Variants in CCDC88C observed in about 807,000 individuals in gnomAD.
CCDC88C encodes protein Daple.
In CCDC88C, 131 loss-of-function variants were observed where a neutral mutation model predicts 198.8. The ratio of observed to expected loss-of-function variants is 0.66; its 90% CI spans 0.57 to 0.76. The LOEUF (loss-of-function observed/expected upper bound fraction) is 0.76, where lower values mean the gene tolerates loss of function less well. Among genes scored for constraint, CCDC88C ranks in the 30% least tolerant of loss-of-function variants. The pLI, the probability that CCDC88C is intolerant of heterozygous loss-of-function variation, is 0.00. For missense variants in CCDC88C, 2,553 were observed against 2,631.6 expected (o/e 0.97, Z 0.65); for synonymous variants, 1,166 against 1,114.7 (o/e 1.05, Z -0.92).
At chr14:91,350,312 C>G (rs555272979) in intron 4 of CCDC88C, among the ~76,000 whole-genome samples, 3 of 152,070 alleles carry the variant, frequency 2.0e-5, no homozygotes, top group Non-Finnish European at 1.5e-5. Context: ...AGGCACCCAC[C>G]ACCACGCCTG....
chr14:91,314,563 T>C (rs1892012410), intron 14 of CCDC88C, among the ~76,000 whole-genome samples: 1 of 152,202 alleles, frequency 6.6e-6, no homozygotes, highest in Non-Finnish European at 1.5e-5. Context: ...AGTACTTTCC[T>C]CTGGCTATCA....
intron 3 of CCDC88C, among the ~76,000 whole-genome samples, chr14:91,372,528 C>CGGGGGGGGGGGGGGGGGGGGGGGG (rs199749681): frequency 4.1e-5 from 1 of 24,532 alleles, no homozygotes; most frequent in Non-Finnish European, 7.6e-5. Context: ...GGCAGTGGTG[C>CGGGGGGGGGGGGGGGGGGGGGGGG]GGGGGGGGGC....
chr14:91,348,899 T>TC (rs1006075895), intron 4 of CCDC88C, among the ~76,000 whole-genome samples: 71 of 152,174 alleles, frequency 4.7e-4, no homozygotes, highest in African/African-American at 1.4e-3. Flanking sequence ...CATCCTGTGA[T>TC]CCCCACCCCT....
intron 13 of CCDC88C, among the ~76,000 whole-genome samples, chr14:91,317,540 C>G (rs1892152878): frequency 6.6e-6 from 1 of 152,220 alleles, no homozygotes; most frequent in Admixed American, 6.5e-5. Flanking sequence ...GGGCTGGGCA[C>G]TGGGGCCAAT....
intron 29 of CCDC88C, among the ~76,000 whole-genome samples, chr14:91,277,433 C>T (rs1890011443): frequency 6.6e-6 from 1 of 152,216 alleles, no homozygotes; most frequent in Non-Finnish European, 1.5e-5. Flanking sequence ...GGATGTCAGC[C>T]ATGTCCATCT....
chr14:91,351,877 G>A (rs1348260063), intron 4 of CCDC88C, among the ~76,000 whole-genome samples: 1 of 152,010 alleles, frequency 6.6e-6, no homozygotes, highest in Non-Finnish European at 1.5e-5. Flanking sequence ...TGAAATATCA[G>A]CCCCTCGGAG....
intron 2 of CCDC88C, among the ~76,000 whole-genome samples, chr14:91,415,531 C>T (rs1006228191): frequency 2.0e-5 from 3 of 152,078 alleles, no homozygotes; most frequent in African/African-American, 7.2e-5. Context: ...TCGAGACCAG[C>T]CTAACATGGA....
chr14:91,346,244 C>T (rs1407392704), intron 4 of CCDC88C, among the ~76,000 whole-genome samples: 1 of 152,194 alleles, frequency 6.6e-6, no homozygotes, highest in Non-Finnish European at 1.5e-5. Context: ...AGCCTCAGAA[C>T]TGGGAACTGG....
intron 3 of CCDC88C, among the ~76,000 whole-genome samples, chr14:91,406,015 G>T (rs1282776215): frequency 6.6e-6 from 1 of 152,196 alleles, no homozygotes; most frequent in Non-Finnish European, 1.5e-5. Context: ...AGGAGGGAGA[G>T]CAGGGATGCA....
chr14:91,324,209 G>C lies in CCDC88C; in HGVS notation c.1342+570C>G, dbSNP rs1197802195. Among the ~76,000 whole-genome samples, 5 of 152,362 alleles carry C rather than the reference G, an allele frequency of 3.3e-5. No homozygotes were observed. The South Asian group carries it at 1.0e-3, about 32-fold the overall frequency. ...TTCCCATGACCGACACCTCCTCTCG[G>C]GGCGCGGGGCAGTGGGCAGCAGAGC... On this transcript the variant is annotated intron_variant, in intron 12 of 29. Coordinates refer to ENST00000389857, the MANE Select transcript of CCDC88C (RefSeq NM_001080414.4).
At chr14:91,374,780 C>G (rs1884283487) in intron 3 of CCDC88C, among the ~76,000 whole-genome samples, 1 of 152,240 alleles carries the variant, frequency 6.6e-6, no homozygotes, top group Non-Finnish European at 1.5e-5. Flanking sequence ...ACAAGTAACT[C>G]ACTGTGATCC....
In CCDC88C at chr14:91,271,427, CAA is replaced by C. The variant is rs1451581813; in HGVS notation, c.*1196_*1197del. The C allele has an allele frequency of 6.6e-6, 1 of 151,000 alleles. No individual in the cohort carries two copies. The highest frequency in any genetic ancestry group is 2.4e-5 in the African/African-American group (1 of 40,978). 9.4% of individuals were successfully genotyped at this position (151,000 alleles called of 1,614,324 possible). A position where few individuals can be genotyped will look rare whatever the true frequency, so the allele number is the denominator to read the frequency against. On this transcript the variant is annotated 3_prime_UTR_variant, in exon 30 of 30. Coordinates refer to ENST00000389857, the MANE Select transcript of CCDC88C (RefSeq NM_001080414.4). The stretch of plus-strand genomic sequence containing the variant: ...TCCTAAAATGGATCTTGTTAACATT[CAA>C]AAGTCTCCCATTTCTTTCTCAGTAT...
intron 13 of CCDC88C, among the ~76,000 whole-genome samples, chr14:91,320,422 C>T (rs144038809): frequency 2.4e-4 from 37 of 152,352 alleles, no homozygotes; most frequent in African/African-American, 8.4e-4. Context: ...GACAGGGTAG[C>T]GTGGCACCAC....
intron 10 of CCDC88C, among the ~76,000 whole-genome samples, chr14:91,331,309 A>G (rs1471051011): frequency 6.6e-6 from 1 of 152,230 alleles, no homozygotes; most frequent in Non-Finnish European, 1.5e-5. Context: ...ACTCAAATCA[A>G]CAAACATGTC....
chr14:91,325,030 T>A lies in CCDC88C; in HGVS notation c.1198-107A>T. On this transcript the variant is annotated intron_variant, in intron 11 of 29. Transcript: ENST00000389857. This position sits in a 1 kb window ranked among gnomAD's most constrained non-coding sequence, Gnocchi z 4.1. ...CCGTCATGTGCTGTGGATGAAGATG[T>A]ACTGGCTCACTTCCAAATAAACAGA... 2 of 1,374,848 alleles carry A rather than the reference T, an allele frequency of 1.5e-6. No individual in the cohort carries two copies. Among genetic ancestry groups the A allele is most frequent in the Non-Finnish European group, 2.0e-6 (2 of 990,706 alleles). 85.2% of individuals were successfully genotyped at this position (1,374,848 alleles called of 1,614,324 possible).
rs1890341988 is a variant in CCDC88C at position 91,284,968 on chromosome 14, G to C, written c.4442-1451C>G. On this transcript the variant is annotated intron_variant, in intron 25 of 29. Coordinates refer to ENST00000389857, the MANE Select transcript of CCDC88C (RefSeq NM_001080414.4). The surrounding 1 kb of genome is among the most constrained non-coding windows in gnomAD (Gnocchi z 4.1). ...AGCTGGCCGGCTGGCATTTTCCCTTGCTCGAGGCATGATTTGTGTGCTGAT... is the reference window on the plus strand; with the variant it reads ...AGCTGGCCGGCTGGCATTTTCCCTTCCTCGAGGCATGATTTGTGTGCTGAT... Among the ~76,000 whole-genome samples, 2 of 152,144 alleles carry C rather than the reference G, an allele frequency of 1.3e-5. No homozygotes were observed. The highest frequency in any genetic ancestry group is 6.5e-5 in the Admixed American group (1 of 15,284).
chr14:91,280,701 G>A (rs902752284), intron 27 of CCDC88C, among the ~76,000 whole-genome samples: 11 of 152,272 alleles, frequency 7.2e-5, no homozygotes, highest in Admixed American at 2.0e-4. Context: ...CCCAGCACAC[G>A]AGGCAGATTT....
chr14:91,395,017 C>A (rs1198778107), intron 3 of CCDC88C, among the ~76,000 whole-genome samples: 2 of 152,148 alleles, frequency 1.3e-5, no homozygotes, highest in African/African-American at 4.8e-5. Context: ...TTGTAGAACC[C>A]CTCCTACAAC....
rs1893163183 is a variant in CCDC88C, at chr14:91,338,604, G to A, written c.810-34C>T. On this transcript the variant is annotated intron_variant, in intron 8 of 29. Coordinates refer to ENST00000389857, the MANE Select transcript of CCDC88C (RefSeq NM_001080414.4). This position sits in a 1 kb window ranked among gnomAD's most constrained non-coding sequence, Gnocchi z 4.8. Reference sequence around the variant, plus strand: ...GCAGTAAGGAGAAAGAGTGTGGGAGGCAGCTTCCTCAACAAGCAGCCCTGG... The same window carrying A: ...GCAGTAAGGAGAAAGAGTGTGGGAGACAGCTTCCTCAACAAGCAGCCCTGG... The A allele has an allele frequency of 6.7e-7, 1 of 1,496,196 alleles. No homozygotes were observed. Among genetic ancestry groups the A allele is most frequent in the Non-Finnish European group, 9.1e-7 (1 of 1,096,826 alleles). The allele number at this position is 1,496,196 out of a possible 1,614,324, so 92.7% of individuals were successfully genotyped here. A position where few individuals can be genotyped will look rare whatever the true frequency, so the allele number is the denominator to read the frequency against.
Sources: gnomAD v4.1 joint callset for allele counts (sites outside exome capture counted in the v4.1 genomes callset) on GRCh38, gnomAD v4.1.1 for gene constraint, Gnocchi (gnomAD v3.1) non-coding constraint, MANE v1.5 for transcripts, NCBI Gene and HGNC (gene_info 2026-07-23, HGNC 2026-07-21) for gene names.